Variants in VPS53 observed in about 807,000 individuals in gnomAD.
VPS53 encodes vacuolar protein sorting-associated protein 53 homolog.
In VPS53, 70 loss-of-function variants were observed where a neutral mutation model predicts 107.0. That is an observed-to-expected ratio of 0.65 (90% CI 0.54 to 0.80). The LOEUF (loss-of-function observed/expected upper bound fraction) is 0.80, where lower values mean the gene tolerates loss of function less well. VPS53 is among the 30% of genes least tolerant of loss of function. The pLI is 0.00. For missense variants in VPS53, 917 were observed against 1,049.4 expected (o/e 0.87, Z 1.74); for synonymous variants, 409 against 393.3 (o/e 1.04, Z -0.47).
intron 5 of VPS53, 98 bp downstream of exon 5, chr17:661,711 A>G: frequency 8.8e-7 from 1 of 1,141,934 alleles, no homozygotes; most frequent in Non-Finnish European, 1.3e-6. Context: ...GGTTGGCAGG[A>G]GGTGCCATTA....
chr17:545,831 G>C (rs1911140589), intron 17 of VPS53, among the ~76,000 whole-genome samples: 1 of 152,202 alleles, frequency 6.6e-6, no homozygotes. Flanking sequence ...ATGGTGTCTT[G>C]AAAGAGAAAT....
intron 6 of VPS53, among the ~76,000 whole-genome samples, chr17:654,516 A>T (rs1455055668): frequency 1.3e-5 from 2 of 151,916 alleles, no homozygotes; most frequent in Admixed American, 1.3e-4. Context: ...AGGCGGGCAG[A>T]TCACAAGGTC....
At chr17:572,180 C>T (rs1914175184) in intron 13 of VPS53, among the ~76,000 whole-genome samples, 2 of 150,024 alleles carry the variant, frequency 1.3e-5, no homozygotes, top group African/African-American at 2.5e-5. Context: ...ATGTGGGGAG[C>T]GCCTTTGCCC....
At position 520,994 on chromosome 17, in the gene VPS53, G is replaced by C. The variant is rs1002590419; in HGVS notation, c.2223+607C>G. Among the ~76,000 whole-genome samples, 6 of 152,102 alleles carry C rather than the reference G, an allele frequency of 3.9e-5. No homozygotes were observed. Among genetic ancestry groups the C allele is most frequent in the Admixed American group, 2.6e-4 (4 of 15,260 alleles). On this transcript the variant is annotated intron_variant, in intron 20 of 21. Coordinates refer to ENST00000437048, the MANE Select transcript of VPS53 (RefSeq NM_001128159.3). The surrounding 1 kb of genome is among the most constrained non-coding windows in gnomAD (Gnocchi z 4.4). The stretch of plus-strand genomic sequence containing the variant: ...CCTGAGTCATCTGGTTTAGGAAGTG[G>C]CCTGAAGAGCCTACAGGTCCTGGGC...
At chr17:589,984 C>T (rs1030253736) in intron 12 of VPS53, among the ~76,000 whole-genome samples, 11 of 152,138 alleles carry the variant, frequency 7.2e-5, no homozygotes, top group African/African-American at 9.6e-5. Flanking sequence ...GCCATTTTCA[C>T]GATATTGATT....
At chr17:572,467 T>C (rs1914250639) in intron 13 of VPS53, among the ~76,000 whole-genome samples, 1 of 90,752 alleles carries the variant, frequency 1.1e-5, no homozygotes, top group African/African-American at 5.6e-5. Context: ...GAGGGGCGCC[T>C]CTGCCCGGCC....
At chr17:596,529 G>C (rs1967982701) in intron 12 of VPS53, among the ~76,000 whole-genome samples, 1 of 152,214 alleles carries the variant, frequency 6.6e-6, no homozygotes, top group Non-Finnish European at 1.5e-5. Flanking sequence ...CTCTTCTGCA[G>C]TGAGGAGGGA....
At chr17:692,817 A>G (rs1413632853) in intron 4 of VPS53, among the ~76,000 whole-genome samples, 1 of 152,160 alleles carries the variant, frequency 6.6e-6, no homozygotes, top group Admixed American at 6.5e-5. Flanking sequence ...CCTGACCAAC[A>G]TGGTGAAACC....
At chr17:616,821 TC>T (rs1253210896) in intron 11 of VPS53, among the ~76,000 whole-genome samples, 1 of 152,214 alleles carries the variant, frequency 6.6e-6, no homozygotes, top group Admixed American at 6.5e-5. Flanking sequence ...AGAAGGGCCT[TC>T]CCTGCCCTCG....
At chr17:707,049 C>T (rs1449542242) in intron 2 of VPS53, among the ~76,000 whole-genome samples, 7 of 152,212 alleles carry the variant, frequency 4.6e-5, no homozygotes, top group African/African-American at 7.2e-5. Flanking sequence ...GAGCAGGGTG[C>T]GAACGTCCCC....
intron 4 of VPS53, among the ~76,000 whole-genome samples, chr17:694,191 G>A (rs776098850): frequency 3.9e-5 from 6 of 152,200 alleles, no homozygotes; most frequent in Non-Finnish European, 7.3e-5. Context: ...GGATTCTAAG[G>A]AGACGAATAC....
Position 580,785 on chromosome 17 carries a change from C to T in VPS53, c.1313+5485G>A, listed in dbSNP as rs148181460. Among the ~76,000 whole-genome samples, 301 of 150,010 alleles carry T rather than the reference C, an allele frequency of 2.0e-3. 8 individuals are homozygous for T. In the East Asian group the frequency reaches 0.054, roughly 27 times the overall value. ...GAGAACTTCCCTTAGGACCTCAATG[C>T]GTTCCCAGAGAACCTCCCTCAGAAC... On this transcript the variant is annotated intron_variant, in intron 13 of 21. Transcript: ENST00000437048.
At chr17:682,453 A>G (rs994817568) in intron 4 of VPS53, among the ~76,000 whole-genome samples, 1 of 152,210 alleles carries the variant, frequency 6.6e-6, no homozygotes, top group Admixed American at 6.5e-5. Flanking sequence ...CCCAGGAAAG[A>G]CAGGACAGGA....
chr17:610,771 A>G (rs886630825), intron 11 of VPS53, among the ~76,000 whole-genome samples: 15 of 134,590 alleles, frequency 1.1e-4, no homozygotes, highest in African/African-American at 1.3e-4. Flanking sequence ...AAAAAAAAAA[A>G]TACAAAAAAT....
intron 12 of VPS53, among the ~76,000 whole-genome samples, chr17:594,634 G>C (rs1967861740): frequency 2.7e-5 from 4 of 149,268 alleles, no homozygotes. Context: ...AGATGGGAAG[G>C]GGTCTGGATC....
At chr17:530,143 C>CT (rs35030075) in intron 19 of VPS53, among the ~76,000 whole-genome samples, 4,691 of 127,278 alleles carry the variant, frequency 0.037, 299 homozygotes, top group East Asian at 0.24. Flanking sequence ...AATTTATATT[C>CT]TTTTTTTTTT....
intron 13 of VPS53, among the ~76,000 whole-genome samples, chr17:569,283 C>G (rs890330255): frequency 1.3e-5 from 2 of 152,134 alleles, no homozygotes; most frequent in Non-Finnish European, 2.9e-5. Flanking sequence ...AATGGAAAAA[C>G]TGGTGAAGTT....
intron 13 of VPS53, among the ~76,000 whole-genome samples, chr17:581,516 C>T (rs1397998556): frequency 2.6e-5 from 4 of 151,704 alleles, no homozygotes; most frequent in Middle Eastern, 3.5e-3. Context: ...CAACCTACTG[C>T]GTTCCCAGAG....
At chr17:605,483 G>T (rs534943595) in intron 11 of VPS53, among the ~76,000 whole-genome samples, 1 of 151,212 alleles carries the variant, frequency 6.6e-6, no homozygotes, top group South Asian at 2.1e-4. Flanking sequence ...TGGGGTAAGA[G>T]GGGTGGCGGG....
Sources: gnomAD v4.1 joint callset for allele counts (sites outside exome capture counted in the v4.1 genomes callset) on GRCh38, gnomAD v4.1.1 for gene constraint, Gnocchi (gnomAD v3.1) non-coding constraint, MANE v1.5 for transcripts, NCBI Gene and HGNC (gene_info 2026-07-23, HGNC 2026-07-21) for gene names.